CELSR1: variants seen among roughly 807,000 people sequenced by gnomAD.
CELSR1 encodes the protein adhesion G protein-coupled receptor C1.
CELSR1 carries 110 observed loss-of-function variants against 249.1 expected under a neutral mutation model. The ratio of observed to expected loss-of-function variants is 0.44; its 90% confidence interval spans 0.38 to 0.52. The LOEUF is 0.52. Among genes scored for constraint, CELSR1 ranks in the 20% least tolerant of loss-of-function variants. The probability of loss-of-function intolerance (pLI) is 0.00; values close to 1 mark genes in which losing one functional copy is unlikely to be tolerated. For synonymous variants in CELSR1, 2,113 were observed against 1,900.0 expected, an observed-to-expected ratio of 1.11 and a Z score of -2.92; for missense variants, 4,109 against 4,296.4, an observed-to-expected ratio of 0.96 and a Z score of 1.22.
intron 25 of CELSR1, among the ~76,000 whole-genome samples, chr22:46,372,534 A>C (rs1602033942): frequency 4.0e-5 from 4 of 101,078 alleles, no homozygotes; most frequent in Non-Finnish European, 5.9e-5. Context: ...TCATCCTCTC[A>C]CTCACCCCTC....
At chr22:46,462,443 C>A (rs552414714) in intron 2 of CELSR1, among the ~76,000 whole-genome samples, 35 of 152,196 alleles carry the variant, frequency 2.3e-4, no homozygotes, top group Non-Finnish European at 1.8e-4. Flanking sequence ...TGCTCCCCTG[C>A]GCTCTTCCTG....
intron 18 of CELSR1, among the ~76,000 whole-genome samples, chr22:46,388,639 C>T (rs1251376775): frequency 6.6e-6 from 1 of 152,196 alleles, no homozygotes; most frequent in African/African-American, 2.4e-5. Flanking sequence ...TCTGGGGGTC[C>T]TGTCTGGACG....
intron 1 of CELSR1, among the ~76,000 whole-genome samples, chr22:46,494,775 G>A (rs1420735534): frequency 6.6e-6 from 1 of 152,118 alleles, no homozygotes; most frequent in African/African-American, 2.4e-5. Flanking sequence ...CCAAAGTGCT[G>A]GGATTACAGT....
intron 1 of CELSR1, among the ~76,000 whole-genome samples, chr22:46,478,234 C>G (rs1426266433): frequency 6.6e-6 from 1 of 152,222 alleles, no homozygotes; most frequent in Non-Finnish European, 1.5e-5. Flanking sequence ...CATTCCCCTG[C>G]CAGCTGAGCC....
chr22:46,496,119 G>A (rs559572189), intron 1 of CELSR1, among the ~76,000 whole-genome samples: 176 of 151,480 alleles, frequency 1.2e-3, no homozygotes, highest in African/African-American at 3.9e-3. Context: ...ACTTGAACTC[G>A]GGAGGTGGGG....
At position 46,367,741 on chromosome 22, in the gene CELSR1, G is replaced by T; in HGVS notation, c.8067C>A (p.Phe2689Leu). Residue 2689 changes from phenylalanine to leucine, a missense_variant, in exon 28 of 35, where the codon TTC (phenylalanine) becomes TTA (leucine). Physicochemically the swap from Phe to Leu is conservative, Grantham distance 22. Transcript: ENST00000674500. ...GGCCGTCACCTACCTGTAAGCCGCT[G>T]AAGATGGCGAAGAGGTAGTGAAAGC... ...ALSFHYLFAI[F>L]SGLQGPFVLL... The T allele has an allele frequency of 6.2e-7, 1 of 1,601,896 alleles. No individual in the cohort carries two copies. The highest frequency in any genetic ancestry group is 1.1e-5 in the South Asian group (1 of 88,470).
chr22:46,410,286 T>C lies in CELSR1; in HGVS notation c.4933+112A>G. On this transcript the variant is annotated intron_variant, in intron 7 of 34. Coordinates refer to ENST00000674500, the MANE Select transcript of CELSR1 (RefSeq NM_001378328.1). This position sits in a 1 kb window ranked among gnomAD's most constrained non-coding sequence, Gnocchi z 6.8. ...CTGCCCACCGCTGGACACATACATT[T>C]CTAAGAAAAACACGGCTCCCCAGGG... 1 of 1,379,826 alleles carries C rather than the reference T, an allele frequency of 7.2e-7. No individual in the cohort carries two copies. Among genetic ancestry groups the C allele is most frequent in the Admixed American group, 1.8e-5 (1 of 54,308 alleles). The allele number at this position is 1,379,826 out of a possible 1,614,324, so 85.5% of individuals were successfully genotyped here. A position where few individuals can be genotyped will look rare whatever the true frequency, so the allele number is the denominator to read the frequency against.
chr22:46,404,202 A>G (rs1022811795), intron 9 of CELSR1, among the ~76,000 whole-genome samples: 4 of 151,880 alleles, frequency 2.6e-5, no homozygotes, highest in African/African-American at 4.8e-5. Context: ...ACCTGAGGTC[A>G]GGAGTTGGAG....
At position 46,448,960 on chromosome 22, in the gene CELSR1, C is replaced by A. The variant is rs2079850861; in HGVS notation, c.4184-9549G>T. Among the ~76,000 whole-genome samples, 1 of 152,150 alleles carries A rather than the reference C, an allele frequency of 6.6e-6. No homozygotes were observed. Among genetic ancestry groups the A allele is most frequent in the African/African-American group, 2.4e-5 (1 of 41,408 alleles). On this transcript the variant is annotated intron_variant, in intron 2 of 34. Transcript: ENST00000674500. The surrounding 1 kb of genome is among the most constrained non-coding windows in gnomAD (Gnocchi z 5.7). ...GGTTTCTAAGAGGAAAAGGGTATGT[C>A]AGAAATGATAAAACACCACACGAAT...
Position 46,409,744 on chromosome 22 carries a change from C to T in CELSR1, c.5059+11G>A, listed in dbSNP as rs201183308. On this transcript the variant is annotated intron_variant, in intron 8 of 34. Transcript: ENST00000674500. This position sits in a 1 kb window ranked among gnomAD's most constrained non-coding sequence, Gnocchi z 9.8. ...CCGTGACCGGGGGGATGGACGACGC[C>T]GGCCACTCACCTTGCTCACAGTTCT... 1.6e-4 allele frequency: 264 copies of T among 1,612,066 alleles called. 1 individual carries two copies. Among genetic ancestry groups the T allele is most frequent in the Non-Finnish European group, 2.1e-4 (252 of 1,179,952 alleles).
rs1049675695 is a variant in CELSR1, at chr22:46,391,736, G to A, written c.6045C>T (p.Cys2015=). ...CFPHGSHSRT[C]DMATGQCACK... ...AGGCACACTGCCCGGTGGCCATGTC[G>A]CAAGTGCGGCTGTGGGAGCCATGGG... is the stretch of plus-strand genomic sequence containing the variant. Residue 2015 remains cysteine, a synonymous_variant, in exon 15 of 35, where the codon TGC becomes TGT. Coordinates refer to ENST00000674500, the MANE Select transcript of CELSR1 (RefSeq NM_001378328.1). This position sits in a 1 kb window ranked among gnomAD's most constrained non-coding sequence, Gnocchi z 4.3. The A allele has an allele frequency of 1.2e-5, 20 of 1,612,220 alleles. No homozygotes were observed. The highest frequency in any genetic ancestry group is 6.7e-5 in the African/African-American group (5 of 74,932).
At position 46,455,860 on chromosome 22, in the gene CELSR1, AT is replaced by A. The variant is rs901386422; in HGVS notation, c.4183+7846del. Among the ~76,000 whole-genome samples the A allele has an allele frequency of 7.9e-5, 12 of 152,320 alleles. No individual in the cohort carries two copies. The South Asian group carries it at 2.5e-3, about 32-fold the overall frequency. ...ACCCACACCCTGATCCCCCGGCAAG[AT>A]TTTTATAGAAAACAGTTATCCAGAA... On this transcript the variant is annotated intron_variant, in intron 2 of 34. Coordinates refer to ENST00000674500, the MANE Select transcript of CELSR1 (RefSeq NM_001378328.1).
At chr22:46,461,930 C>G (rs879836882) in intron 2 of CELSR1, among the ~76,000 whole-genome samples, 7 of 152,224 alleles carry the variant, frequency 4.6e-5, no homozygotes, top group South Asian at 2.1e-4. Context: ...GCAGCCCACT[C>G]AAGGCCGTGA....
chr22:46,385,401 C>A (rs1201484461), intron 19 of CELSR1, among the ~76,000 whole-genome samples: 1 of 152,180 alleles, frequency 6.6e-6, no homozygotes, highest in Non-Finnish European at 1.5e-5. Flanking sequence ...AGCTGACTGA[C>A]CATCTTTAGA....
In CELSR1 at chr22:46,434,106, A is replaced by G. The variant is rs1248703232; in HGVS notation, c.4523-625T>C. ...TTTCCTATGCATTGCATCAACGTAG[A>G]CAAAATCATCAAAACCAATTCCACT... On this transcript the variant is annotated intron_variant, in intron 4 of 34. Transcript: ENST00000674500. This position sits in a 1 kb window ranked among gnomAD's most constrained non-coding sequence, Gnocchi z 4.9. 6.6e-6 allele frequency among the ~76,000 whole-genome samples: 1 copy of G among 152,280 alleles called. No individual in the cohort carries two copies. Among genetic ancestry groups the G allele is most frequent in the Non-Finnish European group, 1.5e-5 (1 of 68,050 alleles).
At position 46,448,022 on chromosome 22, in the gene CELSR1, A is replaced by G. The variant is rs924847774; in HGVS notation, c.4184-8611T>C. Among the ~76,000 whole-genome samples, 6 of 152,198 alleles carry G rather than the reference A, an allele frequency of 3.9e-5. No individual in the cohort carries two copies. The highest frequency in any genetic ancestry group is 1.4e-4 in the African/African-American group (6 of 41,448). ...CCCCGCCACTGGGGACCTGTCCCATACCAGGCTTGGGGCTGGTGCACTGCC... is the reference window on the plus strand; with the variant it reads ...CCCCGCCACTGGGGACCTGTCCCATGCCAGGCTTGGGGCTGGTGCACTGCC... On this transcript the variant is annotated intron_variant, in intron 2 of 34. Transcript: ENST00000674500. This position sits in a 1 kb window ranked among gnomAD's most constrained non-coding sequence, Gnocchi z 5.7.
In CELSR1 at chr22:46,434,222, T is replaced by C. The variant is rs886433590; in HGVS notation, c.4523-741A>G. On this transcript the variant is annotated intron_variant, in intron 4 of 34. Coordinates refer to ENST00000674500, the MANE Select transcript of CELSR1 (RefSeq NM_001378328.1). This position sits in a 1 kb window ranked among gnomAD's most constrained non-coding sequence, Gnocchi z 4.9. ...CCCATCGTGAGGTCGCGGACGCGTC[T>C]CTTGTGCATCTCTGCTTTGGGGTGT... 2.6e-5 allele frequency among the ~76,000 whole-genome samples: 4 copies of C among 152,232 alleles called. No individual in the cohort carries two copies. The highest frequency in any genetic ancestry group is 9.6e-5 in the African/African-American group (4 of 41,464).
intron 24 of CELSR1, among the ~76,000 whole-genome samples, chr22:46,373,355 A>G (rs772872085): frequency 1.0e-4 from 15 of 150,084 alleles, no homozygotes; most frequent in Middle Eastern, 3.2e-3. Context: ...CCAGTCCCAC[A>G]TGCCCCGGAA....
intron 13 of CELSR1, 129 bp from the exon 14 acceptor site, chr22:46,394,391 C>CCTT: frequency 9.2e-7 from 1 of 1,083,370 alleles, no homozygotes; most frequent in Non-Finnish European, 1.3e-6. Flanking sequence ...GGGAGCTTCC[C>CCTT]CTTCCACGTT....
Sources: allele counts gnomAD v4.1 joint callset (sites outside exome capture counted in the v4.1 genomes callset), GRCh38; gene constraint gnomAD v4.1.1; non-coding constraint Gnocchi (gnomAD v3.1); transcripts MANE v1.5; gene names NCBI Gene and HGNC (gene_info 2026-07-23, HGNC 2026-07-21).